Variants in PXDN observed in about 807,000 individuals in gnomAD.
PXDN encodes peroxidasin homolog.
In PXDN, 77 loss-of-function variants were observed where a neutral mutation model predicts 140.3. That is an observed-to-expected ratio of 0.55 (90% CI 0.46 to 0.66). PXDN has a LOEUF of 0.66. Among genes scored for constraint, PXDN ranks in the 30% least tolerant of loss-of-function variants. The pLI, the probability that PXDN is intolerant of heterozygous loss-of-function variation, is 0.00. For missense variants in PXDN, 1,838 were observed against 2,039.5 expected, an observed-to-expected ratio of 0.90 and a Z score of 1.90; for synonymous variants, 911 against 857.4, an observed-to-expected ratio of 1.06 and a Z score of -1.09.
intron 1 of PXDN, among the ~76,000 whole-genome samples, chr2:1,700,938 T>C (rs1684410545): frequency 6.6e-6 from 1 of 152,092 alleles, no homozygotes; most frequent in African/African-American, 2.4e-5. Flanking sequence ...GAGAGGCAAA[T>C]ATGCAAAGTG....
chr2:1,680,420 C>A, intron 6 of PXDN, 58 bp from the exon 7 acceptor site: 1 of 1,591,138 alleles, frequency 6.3e-7, no homozygotes, highest in Non-Finnish European at 8.6e-7. Context: ...GTCCATCCAT[C>A]CATCAGACAG....
intron 14 of PXDN, among the ~76,000 whole-genome samples, 168 bp from the exon 15 acceptor site, chr2:1,654,676 C>T (rs568629751): frequency 7.2e-5 from 11 of 152,300 alleles, no homozygotes; most frequent in South Asian, 6.2e-4. Flanking sequence ...TACTAGAAGC[C>T]GTTTCAGACA....
In PXDN at chr2:1,660,241, A is replaced by G. The variant is rs936696474; in HGVS notation, c.1837+640T>C. 6.6e-6 allele frequency among the ~76,000 whole-genome samples: 1 copy of G among 152,104 alleles called. No individual in the cohort carries two copies. The highest frequency in any genetic ancestry group is 6.5e-5 in the Admixed American group (1 of 15,274). ...GGCATCATGGGGTCTGTGGGTTGAG[A>G]AAGAGGGGCCAGAGTGACCCGGGCC... On this transcript the variant is annotated intron_variant, in intron 14 of 22. Transcript: ENST00000252804. This position sits in a 1 kb window ranked among gnomAD's most constrained non-coding sequence, Gnocchi z 4.6.
upstream of PXDN, chr2:1,744,741 C>A (rs989145076): frequency 3.7e-6 from 1 of 273,754 alleles, no homozygotes; most frequent in Non-Finnish European, 6.8e-6. Context: ...ACCCCTGATT[C>A]TGCGCTCGAG....
chr2:1,681,797 G>A (rs1175846982), intron 6 of PXDN, among the ~76,000 whole-genome samples: 2 of 152,242 alleles, frequency 1.3e-5, no homozygotes, highest in Non-Finnish European at 2.9e-5. Flanking sequence ...GCAAGACCCA[G>A]ATGGTCATAG....
chr2:1,726,400 G>A (rs1054660196), intron 1 of PXDN, among the ~76,000 whole-genome samples: 17 of 147,440 alleles, frequency 1.2e-4, no homozygotes, highest in Non-Finnish European at 1.5e-4. Context: ...GACACAGGAA[G>A]GGGAACATCA....
chr2:1,644,276 A>T (rs1185848368), intron 18 of PXDN, among the ~76,000 whole-genome samples: 1 of 152,046 alleles, frequency 6.6e-6, no homozygotes, highest in South Asian at 2.1e-4. Context: ...TAAAACAAAG[A>T]TCTTGCCCGA....
In PXDN at chr2:1,744,394, G is replaced by A. The variant is rs1473993080; in HGVS notation, c.62C>T (p.Ala21Val). 1.3e-6 allele frequency: 2 copies of A among 1,524,670 alleles called. No homozygotes were observed. Among genetic ancestry groups the A allele is most frequent in the Non-Finnish European group, 1.8e-6 (2 of 1,142,698 alleles). 94.4% of individuals were successfully genotyped at this position (1,524,670 alleles called of 1,614,324 possible). A position where few individuals can be genotyped will look rare whatever the true frequency, so the allele number is the denominator to read the frequency against. Residue 21 changes from alanine to valine, a missense_variant, in exon 1 of 23, where the codon GCC (alanine) becomes GTC (valine). Transcript: ENST00000252804. ...GGCCACCACGGCCAGCGTCCCCCAG[G>A]CGCAGAACAGCACGAGCGCCAACAG... ...RCLLALVLFCAWGTLAVVAQK... is the reference protein window; with the variant it reads ...RCLLALVLFCVWGTLAVVAQK...
At chr2:1,658,533 CCTT>C (rs1683223331) in intron 14 of PXDN, among the ~76,000 whole-genome samples, 1 of 152,024 alleles carries the variant, frequency 6.6e-6, no homozygotes, top group African/African-American at 2.4e-5. Flanking sequence ...TGCAGGCACT[CCTT>C]CTCCCACTTG....
At chr2:1,652,930 C>CTCTGTGTG (rs1683047152) in intron 16 of PXDN, 2 of 149,148 alleles carry the variant, frequency 1.3e-5, no homozygotes, top group African/African-American at 5.0e-5. Context: ...CCTCCGTGCT[C>CTCTGTGTG]TGTGTGTGTG....
chr2:1,692,784 A>C (rs750392220), intron 2 of PXDN, among the ~76,000 whole-genome samples: 10 of 152,184 alleles, frequency 6.6e-5, no homozygotes, highest in South Asian at 2.1e-4. Flanking sequence ...GTGATTCTAG[A>C]GCAAGTGACC....
chr2:1,735,383 T>C (rs1685406864), intron 1 of PXDN, among the ~76,000 whole-genome samples: 1 of 152,226 alleles, frequency 6.6e-6, no homozygotes, highest in African/African-American at 2.4e-5. Context: ...AGTTACAGTA[T>C]TATGGAATGA....
intron 11 of PXDN, 166 bp from the exon 12 acceptor site, chr2:1,663,929 G>A: frequency 1.3e-6 from 1 of 744,904 alleles, no homozygotes; most frequent in Non-Finnish European, 2.2e-6. Context: ...CAGACACCAT[G>A]GTGACACCTG....
Position 1,648,941 on chromosome 2 carries a change from G to A in PXDN, c.2839C>T (p.Pro947Ser), listed in dbSNP as rs375395680. 26 of 1,603,836 alleles carry A rather than the reference G, an allele frequency of 1.6e-5. No individual in the cohort carries two copies. Among genetic ancestry groups the A allele is most frequent in the Non-Finnish European group, 2.1e-5 (25 of 1,175,628 alleles). ...GGCCCGGTGGCGAAGGGGAGCAGCG[G>A]CTTCCCGGACCGCTGCACGATGCCC... ...RQGIVQRSGK[P>S]LLPFATGPPT... The change falls in exon 17 of 23, where the codon CCG becomes TCG. Residue 947 changes from proline (P) to serine (S), a missense_variant. Physicochemically the swap from Pro to Ser is moderately conservative, Grantham distance 74 (BLOSUM62 -1). Around this residue, in one of 5 missense-constraint regions of PXDN, gnomAD observed 850 missense variants for 894.1 expected, o/e 0.95. Coordinates refer to ENST00000252804, the MANE Select transcript of PXDN (RefSeq NM_012293.3). This position sits in a 1 kb window ranked among gnomAD's most constrained non-coding sequence, Gnocchi z 8.9.
Position 1,664,735 on chromosome 2 carries a change from G to A in PXDN, c.1408+223C>T, listed in dbSNP as rs1683390482. 10 of 506,436 alleles carry A rather than the reference G, an allele frequency of 2.0e-5. No homozygotes were observed. In the East Asian group the frequency reaches 3.0e-4, roughly 15 times the overall value. The allele number at this position is 506,436 out of a possible 1,614,324, so 31.4% of individuals were successfully genotyped here. On this transcript the variant is annotated intron_variant, in intron 11 of 22. Transcript: ENST00000252804. ...TCTTCCGCAATGACAGAGCTTCTCA[G>A]AGTTTCCTGCCATGATGTCCATGAG...
chr2:1,661,901 T>A (rs999037356), intron 13 of PXDN, among the ~76,000 whole-genome samples, 171 bp downstream of exon 13: 1 of 152,192 alleles, frequency 6.6e-6, no homozygotes, highest in East Asian at 1.9e-4. Context: ...AGAAAGTCTA[T>A]AGAGGAAGTG....
chr2:1,718,887 A>G (rs1217605793), intron 1 of PXDN, among the ~76,000 whole-genome samples: 1 of 152,250 alleles, frequency 6.6e-6, no homozygotes, highest in Non-Finnish European at 1.5e-5. Context: ...AGCACCTGCC[A>G]CCAGCAACTT....
intron 19 of PXDN, among the ~76,000 whole-genome samples, chr2:1,640,268 TCCCCA>T (rs570385594): frequency 9.8e-4 from 149 of 152,272 alleles, no homozygotes; most frequent in African/African-American, 3.5e-3. Context: ...TTGTACATCA[TCCCCA>T]CCCAAGAAAG....
chr2:1,660,968 C>G lies in PXDN; in HGVS notation c.1750G>C (p.Val584Leu), dbSNP rs1487849077. Reference protein sequence around the residue: ...SPEGFLTINDVGPADAGRYEC... With the variant: ...SPEGFLTINDLGPADAGRYEC... The stretch of plus-strand genomic sequence containing the variant: ...TAGCGACCTGCGTCTGCAGGGCCAA[C>G]GTCATTGATGGTCAAGAATCCTTCA... The change falls in exon 14 of 23, where the codon GTT becomes CTT. Residue 584 changes from valine to leucine, a missense_variant. Val to Leu is a conservative substitution (Grantham distance 32). Coordinates refer to ENST00000252804, the MANE Select transcript of PXDN (RefSeq NM_012293.3). This position sits in a 1 kb window ranked among gnomAD's most constrained non-coding sequence, Gnocchi z 4.6. The G allele has an allele frequency of 6.2e-7, 1 of 1,614,034 alleles. No individual in the cohort carries two copies. Among genetic ancestry groups the G allele is most frequent in the East Asian group, 2.2e-5 (1 of 44,876 alleles).
Sources: gnomAD v4.1 joint callset for allele counts (sites outside exome capture counted in the v4.1 genomes callset) on GRCh38, gnomAD v4.1.1 for gene constraint, gnomAD v4.1.1 regional missense constraint, Gnocchi (gnomAD v3.1) non-coding constraint, MANE v1.5 for transcripts, NCBI Gene and HGNC (gene_info 2026-07-23, HGNC 2026-07-21) for gene names.